The following MTA3 variants were observed in gnomAD, a reference collection of about 807,000 sequenced individuals.
MTA3 encodes metastasis associated 1 family member 3.
A neutral mutation model predicts 83.5 loss-of-function variants in MTA3; 34 were observed. The ratio of observed to expected loss-of-function variants is 0.41; its 90% CI spans 0.31 to 0.54. The LOEUF (loss-of-function observed/expected upper bound fraction) is 0.54, where lower values mean the gene tolerates loss of function less well. Among genes scored for constraint, MTA3 ranks in the 20% least tolerant of loss-of-function variants. MTA3 has a pLI of 0.33. For synonymous variants in MTA3, 303 were observed against 252.7 expected, an observed-to-expected ratio of 1.20 and a Z score of -1.89; for missense variants, 761 against 726.4, an observed-to-expected ratio of 1.05 and a Z score of -0.55.
At chr2:42,686,642 T>C (rs1692394134) in intron 9 of MTA3, among the ~76,000 whole-genome samples, 1 of 151,920 alleles carries the variant, frequency 6.6e-6, no homozygotes, top group Non-Finnish European at 1.5e-5. Flanking sequence ...CTGGCCAACA[T>C]GGTGAAACCC....
rs576449620 is a variant in MTA3 at position 42,708,423 on chromosome 2, G to A, written c.1302+369G>A. ...TTAAGCATTTTTTCTCCCCGTGGCTGTTTTGGAGGGACAAGAAGTATGGAC... is the reference window on the plus strand; with the variant it reads ...TTAAGCATTTTTTCTCCCCGTGGCTATTTTGGAGGGACAAGAAGTATGGAC... On this transcript the variant is annotated intron_variant, in intron 13 of 16. Coordinates refer to ENST00000405094, the MANE Select transcript of MTA3 (RefSeq NM_001330442.2). 1.9e-3 allele frequency among the ~76,000 whole-genome samples: 296 copies of A among 152,270 alleles called. 1 individual carries two copies. Among genetic ancestry groups the A allele is most frequent in the African/African-American group, 6.9e-3 (287 of 41,536 alleles).
intron 4 of MTA3, among the ~76,000 whole-genome samples, chr2:42,610,941 A>G (rs1684118979): frequency 6.7e-6 from 1 of 149,882 alleles, no homozygotes; most frequent in African/African-American, 2.5e-5. Flanking sequence ...GTCCTTAAAA[A>G]CTATATATAT....
intron 7 of MTA3, among the ~76,000 whole-genome samples, chr2:42,657,703 G>C (rs1387483550): frequency 6.7e-6 from 1 of 150,278 alleles, no homozygotes; most frequent in Non-Finnish European, 1.5e-5. Context: ...CAAGGCAGGA[G>C]GATTGTTTGA....
chr2:42,659,423 G>T (rs2104370326), intron 7 of MTA3: 1 of 153,598 alleles, frequency 6.5e-6, no homozygotes, highest in African/African-American at 2.4e-5. Context: ...GTCAAACTCT[G>T]CAGCTGACTT....
At chr2:42,559,647 G>A (rs1025072259) in intron 2 of MTA3, among the ~76,000 whole-genome samples, 3 of 152,192 alleles carry the variant, frequency 2.0e-5, no homozygotes, top group Non-Finnish European at 4.4e-5. Context: ...GGGAGGCTAA[G>A]GCAGGTGGAT....
intron 3 of MTA3, among the ~76,000 whole-genome samples, chr2:42,604,010 A>G (rs1361679635): frequency 1.3e-5 from 2 of 152,126 alleles, no homozygotes; most frequent in Admixed American, 6.6e-5. Context: ...CGGTCTCCCA[A>G]CGTGCTGGGA....
intron 3 of MTA3, among the ~76,000 whole-genome samples, chr2:42,600,843 A>G (rs753059035): frequency 1.4e-4 from 22 of 151,794 alleles, no homozygotes; most frequent in Non-Finnish European, 1.6e-4. Flanking sequence ...GATTAGCTCA[A>G]TGGTTCATTT....
chr2:42,714,248 T>C (rs1666864188), intron 14 of MTA3, among the ~76,000 whole-genome samples: 3 of 152,242 alleles, frequency 2.0e-5, no homozygotes, highest in South Asian at 4.1e-4. Context: ...TACTGACTTG[T>C]GGGAACTTTT....
intron 10 of MTA3, among the ~76,000 whole-genome samples, chr2:42,696,498 A>G (rs1322041449): frequency 1.3e-5 from 2 of 152,240 alleles, no homozygotes; most frequent in African/African-American, 4.8e-5. Context: ...GGCACATATT[A>G]GAACTGATAA....
rs1482327784 is a variant in MTA3 at position 42,752,119 on chromosome 2, A to G, written c.1760-1255A>G. On this transcript the variant is annotated intron_variant, in intron 16 of 16. Transcript: ENST00000405094. Reference sequence around the variant, plus strand: ...AGTTACATAACCTACAGTATGTTCAATAAAGCAAGGTTAGCATGATTCCTA... The same window carrying G: ...AGTTACATAACCTACAGTATGTTCAGTAAAGCAAGGTTAGCATGATTCCTA... 15 of 465,924 alleles carry G rather than the reference A, an allele frequency of 3.2e-5. No individual in the cohort carries two copies. In the East Asian group the frequency reaches 5.6e-4, roughly 17 times the overall value. The allele number at this position is 465,924 out of a possible 1,614,324, so 28.9% of individuals were successfully genotyped here. A position where few individuals can be genotyped will look rare whatever the true frequency, so the allele number is the denominator to read the frequency against.
At chr2:42,538,768 T>G (rs940133555) in intron 2 of MTA3, among the ~76,000 whole-genome samples, 28 of 70,578 alleles carry the variant, frequency 4.0e-4, no homozygotes, top group Non-Finnish European at 6.7e-4. Flanking sequence ...GTTTTTTTTG[T>G]TTTTTTTTGT....
In MTA3 at chr2:42,695,873, C is replaced by A. The variant is rs556364760; in HGVS notation, c.966+34C>A. ...TTTCATATTGCTACCAATATGGTTGCATTTAAGTGAACTTTCTGTTTATAT... is the reference window on the plus strand; with the variant it reads ...TTTCATATTGCTACCAATATGGTTGAATTTAAGTGAACTTTCTGTTTATAT... On this transcript the variant is annotated intron_variant, in intron 10 of 16. Transcript: ENST00000405094. 13 of 1,319,538 alleles carry A rather than the reference C, an allele frequency of 9.9e-6. No individual in the cohort carries two copies. The South Asian group carries it at 1.6e-4, about 16-fold the overall frequency. The allele number at this position is 1,319,538 out of a possible 1,614,324, so 81.7% of individuals were successfully genotyped here.
chr2:42,570,458 C>A lies in MTA3; in HGVS notation c.50C>A (p.Ser17Tyr), dbSNP rs868150404. The change falls in exon 2 of 17, where the codon TCC becomes TAC. Residue 17 changes from serine to tyrosine, a missense_variant. Ser to Tyr is a moderately radical substitution (Grantham distance 144, BLOSUM62 -2). Coordinates refer to ENST00000405094, the MANE Select transcript of MTA3 (RefSeq NM_001330442.2). ...ACAGATTATGTCTACTTTGAGAATT[C>A]CTCCAGCAACCCATACCTAATAAGA... ...RVGDYVYFEN[S>Y]SSNPYLIRRI... The A allele has an allele frequency of 6.5e-7, 1 of 1,545,048 alleles. No homozygotes were observed.
intron 8 of MTA3, among the ~76,000 whole-genome samples, chr2:42,668,105 A>G (rs1690461480): frequency 6.6e-6 from 1 of 152,202 alleles, no homozygotes; most frequent in Admixed American, 6.5e-5. Context: ...GGGCAGGAAG[A>G]GGGAGTGCAG....
At chr2:42,514,328 T>TA (rs1275093984) in intron 2 of MTA3, among the ~76,000 whole-genome samples, 3 of 152,304 alleles carry the variant, frequency 2.0e-5, no homozygotes, top group Non-Finnish European at 2.9e-5. Flanking sequence ...ATGATGCTTG[T>TA]AAAAAATACA....
intron 9 of MTA3, among the ~76,000 whole-genome samples, chr2:42,694,781 A>T (rs1023543031): frequency 6.6e-6 from 1 of 152,116 alleles, no homozygotes; most frequent in Admixed American, 6.5e-5. Context: ...GAGCTGTTTA[A>T]ATGCCGTTTC....
intron 2 of MTA3, among the ~76,000 whole-genome samples, chr2:42,518,968 A>AACACACACAC (rs60877713): frequency 8.7e-6 from 1 of 114,610 alleles, no homozygotes; most frequent in East Asian, 2.8e-4. Flanking sequence ...CCTTTCTCAA[A>AACACACACAC]ACACACACAC....
Position 42,568,647 on chromosome 2 carries a change from C to A in MTA3, c.-99C>A. 2.3e-6 allele frequency: 2 copies of A among 882,772 alleles called. No homozygotes were observed. Among genetic ancestry groups the A allele is most frequent in the Non-Finnish European group, 2.9e-6 (2 of 689,458 alleles). 54.7% of individuals were successfully genotyped at this position (882,772 alleles called of 1,614,324 possible). A position where few individuals can be genotyped will look rare whatever the true frequency, so the allele number is the denominator to read the frequency against. ...CTTCCCCCCCGTGGCGAGGCAGCAG[C>A]GACGGCGGCGGCGGCAGCGGCGGTC... is the stretch of plus-strand genomic sequence containing the variant. On this transcript the variant is annotated 5_prime_UTR_variant, in exon 1 of 17. Coordinates refer to ENST00000405094, the MANE Select transcript of MTA3 (RefSeq NM_001330442.2).
chr2:42,580,989 T>C (rs1296454100), intron 3 of MTA3, among the ~76,000 whole-genome samples: 4 of 152,188 alleles, frequency 2.6e-5, no homozygotes, highest in Non-Finnish European at 2.9e-5. Context: ...TGCATAGGTT[T>C]GTTCTGAGTT....
Sources: allele counts gnomAD v4.1 joint callset (sites outside exome capture counted in the v4.1 genomes callset), GRCh38; gene constraint gnomAD v4.1.1; transcripts MANE v1.5; gene names NCBI Gene and HGNC (gene_info 2026-07-23, HGNC 2026-07-21).